The following SPAG16 variants were observed in gnomAD, a reference collection of about 807,000 sequenced individuals.
The protein encoded by SPAG16 is sperm-associated antigen 16 protein.
SPAG16 carries 86 observed loss-of-function variants against 80.4 expected under a neutral mutation model. That is an observed-to-expected ratio of 1.07 (90% CI 0.90 to 1.28). The LOEUF is 1.28. Among genes scored for constraint, SPAG16 ranks in the 50% most tolerant of loss-of-function variants. The pLI, the probability that SPAG16 is intolerant of heterozygous loss-of-function variation, is 0.00. For synonymous variants in SPAG16, 294 were observed against 265.9 expected (o/e 1.11, Z -1.03); for missense variants, 870 against 765.3 (o/e 1.14, Z -1.61).
chr2:213,809,649 A>T lies in SPAG16; in HGVS notation c.1071-52836A>T, dbSNP rs183077675. Among the ~76,000 whole-genome samples, 8 of 152,244 alleles carry T rather than the reference A, an allele frequency of 5.3e-5. No homozygotes were observed. The East Asian group carries it at 1.5e-3, about 29-fold the overall frequency. On this transcript the variant is annotated intron_variant, in intron 10 of 15. Transcript: ENST00000331683. ...CTGAGAATGGGAGAGGTTGTGTGGGAATATTGTGGAAGTTTAAAATTACAA... is the reference window on the plus strand; with the variant it reads ...CTGAGAATGGGAGAGGTTGTGTGGGTATATTGTGGAAGTTTAAAATTACAA...
intron 15 of SPAG16, among the ~76,000 whole-genome samples, chr2:214,291,625 A>AT (rs1010002029): frequency 2.6e-5 from 4 of 152,140 alleles, no homozygotes; most frequent in Non-Finnish European, 5.9e-5. Flanking sequence ...TTCTTTATCC[A>AT]TTCAACCAGT....
At chr2:214,054,169 C>T (rs1424768146) in intron 13 of SPAG16, among the ~76,000 whole-genome samples, 1 of 152,046 alleles carries the variant, frequency 6.6e-6, no homozygotes, top group Non-Finnish European at 1.5e-5. Flanking sequence ...GCCCCCATAC[C>T]CGGCTAATTT....
In SPAG16 at chr2:213,862,488, C is replaced by T. The variant is rs746070922; in HGVS notation, c.1074C>T (p.Val358=). The T allele has an allele frequency of 8.1e-6, 13 of 1,613,826 alleles. No individual in the cohort carries two copies. The highest frequency in any genetic ancestry group is 1.1e-5 in the Non-Finnish European group (13 of 1,179,842). ...FRLHELPVSC[V]SMQPHKDILV... Reference sequence around the variant, plus strand: ...TTTTTTCTTTCTCCTCGCGCAGTGTCTCCATGCAACCCCACAAAGACATCC... The same window carrying T: ...TTTTTTCTTTCTCCTCGCGCAGTGTTTCCATGCAACCCCACAAAGACATCC... The change falls in exon 11 of 16, where the codon GTC becomes GTT. Residue 358 remains valine, a synonymous_variant. Coordinates refer to ENST00000331683, the MANE Select transcript of SPAG16 (RefSeq NM_024532.5).
chr2:214,346,876 A>G (rs1263671816), intron 15 of SPAG16, among the ~76,000 whole-genome samples: 1 of 152,218 alleles, frequency 6.6e-6, no homozygotes, highest in Non-Finnish European at 1.5e-5. Flanking sequence ...CGACATCATT[A>G]AAAATGGAAG....
chr2:213,600,735 C>T (rs988342670), intron 10 of SPAG16, among the ~76,000 whole-genome samples: 6 of 152,150 alleles, frequency 3.9e-5, no homozygotes, highest in Non-Finnish European at 7.3e-5. Flanking sequence ...TCCTTGGACT[C>T]CAATTATTGA....
intron 11 of SPAG16, among the ~76,000 whole-genome samples, chr2:213,878,882 C>T (rs570006167): frequency 6.6e-6 from 1 of 152,172 alleles, no homozygotes; most frequent in Admixed American, 6.5e-5. Context: ...CCAGTTTTCC[C>T]AGCACCATTT....
chr2:213,746,296 C>G lies in SPAG16; in HGVS notation c.1071-116189C>G, dbSNP rs542300541. On this transcript the variant is annotated intron_variant, in intron 10 of 15. Transcript: ENST00000331683. ...CTGCAATTACTGACAGTAATACTCT[C>G]TGAAAAACTATGTTAATCCAGTCTT... Among the ~76,000 whole-genome samples, 3 of 152,340 alleles carry G rather than the reference C, an allele frequency of 2.0e-5. No homozygotes were observed. The South Asian group carries it at 6.2e-4, about 32-fold the overall frequency.
chr2:213,976,137 C>CAT (rs1559648429), intron 12 of SPAG16, among the ~76,000 whole-genome samples: 1 of 93,828 alleles, frequency 1.1e-5, no homozygotes, highest in Non-Finnish European at 2.1e-5. Flanking sequence ...TATATATATA[C>CAT]ACACACACAC....
intron 12 of SPAG16, among the ~76,000 whole-genome samples, chr2:213,932,790 A>G (rs767415858): frequency 2.6e-5 from 4 of 152,190 alleles, no homozygotes; most frequent in Non-Finnish European, 5.9e-5. Context: ...ATATTTACTG[A>G]GTGCTAATCA....
At chr2:214,254,703 T>C (rs1690555884) in intron 15 of SPAG16, among the ~76,000 whole-genome samples, 1 of 152,062 alleles carries the variant, frequency 6.6e-6, no homozygotes, top group South Asian at 2.1e-4. Context: ...GAAAACGATG[T>C]AAAACTTAGG....
At chr2:214,332,061 G>A (rs1696953110) in intron 15 of SPAG16, among the ~76,000 whole-genome samples, 1 of 152,160 alleles carries the variant, frequency 6.6e-6, no homozygotes. Context: ...AGATCAGCAT[G>A]GCCAACATGG....
intron 12 of SPAG16, among the ~76,000 whole-genome samples, chr2:213,949,887 T>TGGGG (rs906361011): frequency 4.6e-5 from 7 of 152,090 alleles, no homozygotes; most frequent in African/African-American, 7.3e-5. Context: ...TCTGCTCCTT[T>TGGGG]GGCAAATCTT....
At chr2:214,098,149 A>G (rs2052734418) in intron 13 of SPAG16, among the ~76,000 whole-genome samples, 1 of 152,122 alleles carries the variant, frequency 6.6e-6, no homozygotes. Context: ...ATAAGCCCAA[A>G]ATATATTCAT....
intron 10 of SPAG16, among the ~76,000 whole-genome samples, chr2:213,753,807 C>T (rs2068194531): frequency 3.3e-5 from 5 of 152,132 alleles, no homozygotes. Context: ...ATGACTTAGA[C>T]CTAACTAGGA....
At chr2:213,702,020 G>A (rs1213486183) in intron 10 of SPAG16, among the ~76,000 whole-genome samples, 1 of 152,098 alleles carries the variant, frequency 6.6e-6, no homozygotes, top group Non-Finnish European at 1.5e-5. Flanking sequence ...CTGAAGGTTT[G>A]TAAACTCACT....
At chr2:213,685,379 C>T (rs2064615604) in intron 10 of SPAG16, among the ~76,000 whole-genome samples, 1 of 152,202 alleles carries the variant, frequency 6.6e-6, no homozygotes, top group Admixed American at 6.5e-5. Flanking sequence ...AGGACATATT[C>T]AAGCCAGGGA....
chr2:213,802,220 T>G (rs2071454638), intron 10 of SPAG16, among the ~76,000 whole-genome samples: 1 of 152,202 alleles, frequency 6.6e-6, no homozygotes, highest in African/African-American at 2.4e-5. Context: ...CCCTCTCTGA[T>G]TATCTCCTCT....
At chr2:213,876,553 A>G (rs1415826276) in intron 11 of SPAG16, among the ~76,000 whole-genome samples, 6 of 152,312 alleles carry the variant, frequency 3.9e-5, no homozygotes, top group South Asian at 2.1e-4. Flanking sequence ...GACTAATCCA[A>G]TAGCTTTGGC....
chr2:213,925,649 G>A (rs1454697130), intron 11 of SPAG16, among the ~76,000 whole-genome samples: 1 of 152,172 alleles, frequency 6.6e-6, no homozygotes, highest in Non-Finnish European at 1.5e-5. Flanking sequence ...TCTATGCCCA[G>A]CCTTGTTCTT....
Sources: gnomAD v4.1 joint callset for allele counts (sites outside exome capture counted in the v4.1 genomes callset) on GRCh38, gnomAD v4.1.1 for gene constraint, MANE v1.5 for transcripts, NCBI Gene and HGNC (gene_info 2026-07-23, HGNC 2026-07-21) for gene names.